Variants in SLC5A11 observed in about 807,000 individuals in gnomAD.
SLC5A11 encodes solute carrier family 5 member 11.
Under a neutral mutation model 69.8 loss-of-function variants are expected in SLC5A11, and 48 were observed. The observed-to-expected ratio is 0.69, with a 90% confidence interval of 0.55 to 0.87. SLC5A11 has a LOEUF of 0.87. Ranked by LOEUF, SLC5A11 falls within the 40% of genes least tolerant of loss-of-function variation. The probability of loss-of-function intolerance (pLI) is 0.00; values close to 1 mark genes in which losing one functional copy is unlikely to be tolerated. For missense variants in SLC5A11, 784 were observed against 866.1 expected, an observed-to-expected ratio of 0.91 and a Z score of 1.19; for synonymous variants, 319 against 342.4, an observed-to-expected ratio of 0.93 and a Z score of 0.75.
intron 8 of SLC5A11, among the ~76,000 whole-genome samples, chr16:24,885,740 A>G: frequency 6.6e-6 from 1 of 151,366 alleles, no homozygotes. Flanking sequence ...ATCCTGAAAG[A>G]TGGCAGAATA....
At chr16:24,907,964 G>T in exon 13 of SLC5A11, 1 of 1,614,080 alleles carries the variant, frequency 6.2e-7, no homozygotes, top group Non-Finnish European at 8.5e-7. Context: ...CGGCACCAGG[G>T]TGTTTGTGCT....
exon 16 of SLC5A11, chr16:24,911,485 C>T: frequency 6.2e-7 from 1 of 1,614,178 alleles, no homozygotes; most frequent in East Asian, 2.2e-5. Context: ...ACGTCAACCT[C>T]ATTTTCTGCG....
At chr16:24,888,543 G>T (rs1597189694) in intron 8 of SLC5A11, among the ~76,000 whole-genome samples, 2 of 140,046 alleles carry the variant, frequency 1.4e-5, no homozygotes, top group African/African-American at 2.7e-5. Context: ...GAGTACAGTG[G>T]CACAATCTCA....
intron 5 of SLC5A11, 116 bp downstream of exon 6, chr16:24,872,335 T>C (rs2047360615): frequency 2.4e-6 from 3 of 1,241,194 alleles, no homozygotes; most frequent in Non-Finnish European, 3.5e-6. Flanking sequence ...ATGTATTCGA[T>C]TGCCACTCAG....
intron 4 of SLC5A11, among the ~76,000 whole-genome samples, chr16:24,870,250 C>T (rs955472052): frequency 6.7e-6 from 1 of 150,360 alleles, no homozygotes; most frequent in African/African-American, 2.4e-5. Flanking sequence ...AAAAATTAGC[C>T]GAGTGTAATG....
chr16:24,899,681 C>T (rs1463139482), intron 10 of SLC5A11, among the ~76,000 whole-genome samples: 3 of 151,608 alleles, frequency 2.0e-5, no homozygotes, highest in Non-Finnish European at 2.9e-5. Flanking sequence ...GGATTACAGG[C>T]GTGAGCCACC....
chr16:24,861,733 GA>G (rs768109041), intron 2 of SLC5A11, among the ~76,000 whole-genome samples: 1 of 93,384 alleles, frequency 1.1e-5, no homozygotes, highest in African/African-American at 6.2e-5. Context: ...GCAGAAGAAA[GA>G]AAAAGAAAGA....
intron 5 of SLC5A11, among the ~76,000 whole-genome samples, chr16:24,874,424 T>C (rs2047533680): frequency 6.6e-6 from 1 of 152,196 alleles, no homozygotes; most frequent in Non-Finnish European, 1.5e-5. Flanking sequence ...CCCAGAGTAG[T>C]TCTATCCATT....
intron 4 of SLC5A11, 77 bp from the exon 6 acceptor site, chr16:24,872,083 C>G: frequency 1.9e-6 from 3 of 1,568,258 alleles, no homozygotes; most frequent in Non-Finnish European, 2.6e-6. Flanking sequence ...CAGGCTGCCT[C>G]AGGGCGCAGA....
At chr16:24,904,531 C>T (rs537376449) in intron 10 of SLC5A11, among the ~76,000 whole-genome samples, 20 of 151,998 alleles carry the variant, frequency 1.3e-4, no homozygotes, top group Non-Finnish European at 1.5e-4. Context: ...CTGTCTGTGC[C>T]AGCCACCTAT....
chr16:24,900,988 G>A (rs2049549492), intron 10 of SLC5A11, among the ~76,000 whole-genome samples: 2 of 151,958 alleles, frequency 1.3e-5, no homozygotes, highest in African/African-American at 4.8e-5. Context: ...ACTTGCTAAG[G>A]GTCAGTCCCT....
intron 7 of SLC5A11, among the ~76,000 whole-genome samples, chr16:24,879,525 T>C (rs1440950686): frequency 6.6e-6 from 1 of 152,158 alleles, no homozygotes; most frequent in Non-Finnish European, 1.5e-5. Flanking sequence ...TCACCTGAGG[T>C]CAGGAGTTCC....
At chr16:24,882,009 C>T (rs72770462) in intron 7 of SLC5A11, among the ~76,000 whole-genome samples, 17,261 of 152,218 alleles carry the variant, frequency 0.11, 1,184 homozygotes, top group South Asian at 0.15. Context: ...AAGACCTTGG[C>T]TGAGTTCTCA....
chr16:24,910,184 G>A, intron 14 of SLC5A11, 122 bp from the exon 16 acceptor site: 1 of 852,888 alleles, frequency 1.2e-6, no homozygotes, highest in Non-Finnish European at 1.8e-6. Context: ...TGGGAGGGTG[G>A]GGCTGGGAGC....
intron 9 of SLC5A11, among the ~76,000 whole-genome samples, chr16:24,895,562 G>A (rs1383345413): frequency 2.0e-5 from 3 of 147,282 alleles, no homozygotes; most frequent in Non-Finnish European, 3.0e-5. Flanking sequence ...GAGGACAGGA[G>A]AGGGGAGGGG....
chr16:24,899,682 G>T (rs756459757), intron 10 of SLC5A11, among the ~76,000 whole-genome samples: 2 of 151,524 alleles, frequency 1.3e-5, no homozygotes, highest in African/African-American at 4.9e-5. Flanking sequence ...GATTACAGGC[G>T]TGAGCCACCA....
At chr16:24,906,866 G>T (rs551369496) in intron 11 of SLC5A11, 102 bp downstream of exon 12, 1 of 1,384,062 alleles carries the variant, frequency 7.2e-7, no homozygotes, top group African/African-American at 1.4e-5. Flanking sequence ...GAGGGCTGGT[G>T]GGGGAGGAAG....
intron 9 of SLC5A11, among the ~76,000 whole-genome samples, chr16:24,892,444 T>TAAAA (rs59511866): frequency 7.1e-6 from 1 of 140,966 alleles, no homozygotes. Flanking sequence ...CCTTTTGTGT[T>TAAAA]AAAAAAAAAA....
intron 8 of SLC5A11, among the ~76,000 whole-genome samples, chr16:24,889,723 T>G (rs531083691): frequency 6.6e-6 from 1 of 151,838 alleles, no homozygotes; most frequent in East Asian, 1.9e-4. Context: ...AATTTTTGTA[T>G]TTTTAGTAGA....
Sources: gnomAD v4.1 joint callset for allele counts (sites outside exome capture counted in the v4.1 genomes callset) on GRCh38, gnomAD v4.1.1 for gene constraint, MANE v1.5 for transcripts, NCBI Gene and HGNC (gene_info 2026-07-23, HGNC 2026-07-21) for gene names.